Variants in ANKH observed in about 807,000 individuals in gnomAD.
ANKH encodes mineralization regulator ANKH.
ANKH carries 15 observed loss-of-function variants against 49.0 expected under a neutral mutation model. The observed-to-expected ratio is 0.31, with a 90% CI of 0.20 to 0.47. The LOEUF (loss-of-function observed/expected upper bound fraction) is 0.47. Among genes scored for constraint, ANKH ranks in the 20% least tolerant of loss-of-function variants. The pLI is 1.00. For synonymous variants in ANKH, 273 were observed against 260.0 expected, an observed-to-expected ratio of 1.05 and a Z score of -0.48; for missense variants, 429 against 652.0, an observed-to-expected ratio of 0.66 and a Z score of 3.72.
chr5:14,827,458 C>A (rs1741377213), intron 1 of ANKH, among the ~76,000 whole-genome samples: 2 of 152,176 alleles, frequency 1.3e-5, no homozygotes, highest in Non-Finnish European at 1.5e-5. Context: ...TAAATGCACA[C>A]ATATGAGACA....
chr5:14,736,452 T>C (rs1738183871), intron 8 of ANKH, among the ~76,000 whole-genome samples: 1 of 151,416 alleles, frequency 6.6e-6, no homozygotes, highest in South Asian at 2.1e-4. Context: ...CTTGTCTCTT[T>C]TAAACTCTTC....
Position 14,742,595 on chromosome 5 carries a change from A to G in ANKH, c.916-673T>C, listed in dbSNP as rs116682329. On this transcript the variant is annotated intron_variant, in intron 7 of 11. Coordinates refer to ENST00000284268, the MANE Select transcript of ANKH (RefSeq NM_054027.6). ...ACCTTTGACCTCCAAGCTGGGCCCC[A>G]CCTCCTGTAAAGCCTGATGACCCTG... Among the ~76,000 whole-genome samples, 508 of 152,084 alleles carry G rather than the reference A, an allele frequency of 3.3e-3. 3 individuals are homozygous for G. The highest frequency in any genetic ancestry group is 0.012 in the African/African-American group (487 of 41,462).
intron 1 of ANKH, among the ~76,000 whole-genome samples, chr5:14,848,428 G>A (rs1406243435): frequency 1.3e-5 from 2 of 152,010 alleles, no homozygotes; most frequent in African/African-American, 2.4e-5. Flanking sequence ...GTCCCCTCCC[G>A]TTGTATGGGA....
At chr5:14,830,365 A>G (rs1741466436) in intron 1 of ANKH, among the ~76,000 whole-genome samples, 1 of 152,152 alleles carries the variant, frequency 6.6e-6, no homozygotes, top group Non-Finnish European at 1.5e-5. Flanking sequence ...GAAGGTGGCG[A>G]CAGCATGAGT....
At chr5:14,763,713 C>G (rs1485001438) in intron 2 of ANKH, among the ~76,000 whole-genome samples, 1 of 152,218 alleles carries the variant, frequency 6.6e-6, no homozygotes, top group Non-Finnish European at 1.5e-5. Flanking sequence ...TTCTAGAGAA[C>G]ATTTCTTATT....
intron 2 of ANKH, 85 bp from the exon 3 acceptor site, chr5:14,758,683 T>G: frequency 9.6e-7 from 1 of 1,040,960 alleles, no homozygotes; most frequent in Non-Finnish European, 1.5e-6. Context: ...TAAAAACAAT[T>G]TTAAATGTAG....
chr5:14,854,774 A>G (rs1372774461), intron 1 of ANKH, among the ~76,000 whole-genome samples: 1 of 151,958 alleles, frequency 6.6e-6, no homozygotes, highest in Non-Finnish European at 1.5e-5. Context: ...GGTCCATTTG[A>G]CTGTAGGTTA....
At chr5:14,798,889 G>C (rs77968056) in intron 1 of ANKH, among the ~76,000 whole-genome samples, 1 of 152,302 alleles carries the variant, frequency 6.6e-6, no homozygotes, top group African/African-American at 2.4e-5. Flanking sequence ...CAAGTGAAAG[G>C]AACAGTCACA....
chr5:14,803,709 T>C (rs927434756), intron 1 of ANKH, among the ~76,000 whole-genome samples: 1 of 152,246 alleles, frequency 6.6e-6, no homozygotes, highest in African/African-American at 2.4e-5. Flanking sequence ...CTTGGCGATA[T>C]GCAGATCTAG....
chr5:14,819,900 TACAC>T lies in ANKH; in HGVS notation c.97-50713_97-50710del, dbSNP rs57977744. 2.7e-3 allele frequency among the ~76,000 whole-genome samples: 396 copies of T among 145,498 alleles called. 3 individuals carry two copies. The highest frequency in any genetic ancestry group is 0.013 in the South Asian group (59 of 4,494). On this transcript the variant is annotated intron_variant, in intron 1 of 11. Coordinates refer to ENST00000284268, the MANE Select transcript of ANKH (RefSeq NM_054027.6). ...AACAACAACAACAACAACAAAAATA[TACAC>T]ACACACACACACACACACACACACA...
chr5:14,720,496 C>G (rs546076461), intron 8 of ANKH, among the ~76,000 whole-genome samples: 1 of 152,342 alleles, frequency 6.6e-6, no homozygotes, highest in South Asian at 2.1e-4. Flanking sequence ...AGTTGGAACA[C>G]TATTTCCCTG....
At chr5:14,715,717 A>G (rs1342145283) in intron 9 of ANKH, among the ~76,000 whole-genome samples, 3 of 152,258 alleles carry the variant, frequency 2.0e-5, no homozygotes, top group South Asian at 2.1e-4. Flanking sequence ...ATACAGACAT[A>G]CACGTGCTAC....
chr5:14,762,642 T>G (rs1176104505), intron 2 of ANKH, among the ~76,000 whole-genome samples: 3 of 151,526 alleles, frequency 2.0e-5, no homozygotes, highest in Non-Finnish European at 4.4e-5. Context: ...CTGGGAGCTG[T>G]GAGTATAAAA....
At chr5:14,870,856 A>C (rs1474251360) in intron 1 of ANKH, 1 of 230,522 alleles carries the variant, frequency 4.3e-6, no homozygotes, top group Non-Finnish European at 8.7e-6. Flanking sequence ...AGACCGGCTT[A>C]TCAGGACACA....
intron 7 of ANKH, among the ~76,000 whole-genome samples, chr5:14,743,947 A>T (rs1394748677): frequency 6.6e-6 from 1 of 152,202 alleles, no homozygotes; most frequent in Admixed American, 6.5e-5. Context: ...CTCAGATGAG[A>T]CCTAAGCAGC....
At chr5:14,845,877 G>A (rs1741945595) in intron 1 of ANKH, among the ~76,000 whole-genome samples, 1 of 122,130 alleles carries the variant, frequency 8.2e-6, no homozygotes, top group South Asian at 2.5e-4. Flanking sequence ...TTTGGTGATG[G>A]AATTTCACTC....
chr5:14,770,804 G>A lies in ANKH; in HGVS notation c.97-1613C>T, dbSNP rs1486428470. Reference sequence around the variant, plus strand: ...GTAGTTTACATTAGGGCTTACTCTTGGTATATTGTACATTCTGTGGATTCT... The same window carrying A: ...GTAGTTTACATTAGGGCTTACTCTTAGTATATTGTACATTCTGTGGATTCT... On this transcript the variant is annotated intron_variant, in intron 1 of 11. Transcript: ENST00000284268. This position sits in a 1 kb window ranked among gnomAD's most constrained non-coding sequence, Gnocchi z 4.1. Among the ~76,000 whole-genome samples, 3 of 152,090 alleles carry A rather than the reference G, an allele frequency of 2.0e-5. No individual in the cohort carries two copies.
chr5:14,712,360 T>C (rs1422257713), intron 11 of ANKH, among the ~76,000 whole-genome samples: 1 of 152,308 alleles, frequency 6.6e-6, no homozygotes, highest in Admixed American at 6.5e-5. Context: ...TCTCAGACAA[T>C]GATGTGGCTT....
chr5:14,817,610 CA>C (rs1741077341), intron 1 of ANKH, among the ~76,000 whole-genome samples: 1 of 152,132 alleles, frequency 6.6e-6, no homozygotes, highest in Admixed American at 6.5e-5. Flanking sequence ...TACAGAGTGA[CA>C]TCTGCCATCA....
Sources: gnomAD v4.1 joint callset for allele counts (sites outside exome capture counted in the v4.1 genomes callset) on GRCh38, gnomAD v4.1.1 for gene constraint, Gnocchi (gnomAD v3.1) non-coding constraint, MANE v1.5 for transcripts, NCBI Gene and HGNC (gene_info 2026-07-23, HGNC 2026-07-21) for gene names.